The following PRMT9 variants were observed in gnomAD, a reference collection of about 807,000 sequenced individuals.
The protein encoded by PRMT9 is protein arginine methyltransferase 9.
Under a neutral mutation model 83.2 loss-of-function variants are expected in PRMT9, and 59 were observed. The observed-to-expected ratio is 0.71, with a 90% CI of 0.57 to 0.88. The LOEUF (loss-of-function observed/expected upper bound fraction) is 0.88, where lower values mean the gene tolerates loss of function less well. Among genes scored for constraint, PRMT9 ranks in the 40% least tolerant of loss-of-function variants. PRMT9 has a pLI of 0.00. For missense variants in PRMT9, 947 were observed against 1,021.9 expected (o/e 0.93, Z 1.00); for synonymous variants, 333 against 353.2 (o/e 0.94, Z 0.64).
chr4:147,670,187 T>C (rs1735634835), intron 5 of PRMT9, among the ~76,000 whole-genome samples: 1 of 151,674 alleles, frequency 6.6e-6, no homozygotes, highest in Non-Finnish European at 1.5e-5. Context: ...TGTTTTGTTT[T>C]GTTTTGTTTG....
rs749575395 is a variant in PRMT9, at chr4:147,638,622, T to G, written c.2448A>C (p.Leu816Phe). Residue 816 changes from leucine (L) to phenylalanine (F), a missense_variant, in exon 12 of 12, where the codon TTA (leucine) becomes TTC (phenylalanine). Leu to Phe is a conservative substitution (Grantham distance 22, BLOSUM62 0). Transcript: ENST00000322396. ...ASHWKQAAVVLDNPIQVEMGE... is the reference protein window; with the variant it reads ...ASHWKQAAVVFDNPIQVEMGE... ...CCATTTCAACCTGGATGGGATTATC[T>G]AAAACAACTGCAGCTTGTTTCCAGT... is the stretch of plus-strand genomic sequence containing the variant. 7 of 1,613,908 alleles carry G rather than the reference T, an allele frequency of 4.3e-6. No homozygotes were observed. Among genetic ancestry groups the G allele is most frequent in the Non-Finnish European group, 5.9e-6 (7 of 1,179,830 alleles).
intron 9 of PRMT9, among the ~76,000 whole-genome samples, chr4:147,651,213 A>G (rs1734076697): frequency 6.6e-6 from 1 of 152,316 alleles, no homozygotes; most frequent in Middle Eastern, 3.4e-3. Flanking sequence ...TTTTATATAC[A>G]CCATATACAA....
At chr4:147,655,891 A>C (rs1341251301) in intron 8 of PRMT9, among the ~76,000 whole-genome samples, 1 of 151,680 alleles carries the variant, frequency 6.6e-6, no homozygotes, top group East Asian at 1.9e-4. Context: ...TTTAAAAAAC[A>C]AAAGATCATC....
chr4:147,660,310 C>A (rs908377129), intron 7 of PRMT9, among the ~76,000 whole-genome samples: 1 of 152,138 alleles, frequency 6.6e-6, no homozygotes, highest in Non-Finnish European at 1.5e-5. Flanking sequence ...ATATTCCCAA[C>A]AATCTTAGGA....
intron 2 of PRMT9, among the ~76,000 whole-genome samples, chr4:147,677,305 A>C (rs944871504): frequency 6.6e-6 from 1 of 152,074 alleles, no homozygotes; most frequent in African/African-American, 2.4e-5. Context: ...TTCCAAAGAA[A>C]AAAAAGGCTG....
chr4:147,672,730 A>C (rs1199026087), intron 4 of PRMT9, among the ~76,000 whole-genome samples: 1 of 152,160 alleles, frequency 6.6e-6, no homozygotes, highest in African/African-American at 2.4e-5. Flanking sequence ...TGCTAAGATC[A>C]AGTTTATTTG....
At chr4:147,662,775 G>C (rs1735053151) in intron 6 of PRMT9, among the ~76,000 whole-genome samples, 1 of 151,856 alleles carries the variant, frequency 6.6e-6, no homozygotes, top group African/African-American at 2.4e-5. Flanking sequence ...CTCCAGCCTA[G>C]GCAACAGAGC....
chr4:147,642,063 G>A (rs1318197084), intron 10 of PRMT9, among the ~76,000 whole-genome samples: 4 of 152,078 alleles, frequency 2.6e-5, no homozygotes, highest in Non-Finnish European at 5.9e-5. Flanking sequence ...TCTGCAGTCT[G>A]ATTTCTTAGA....
intron 9 of PRMT9, among the ~76,000 whole-genome samples, chr4:147,651,905 C>T (rs939478493): frequency 5.9e-5 from 9 of 152,086 alleles, no homozygotes; most frequent in African/African-American, 1.2e-4. Flanking sequence ...ATTTATGTAA[C>T]GAGGTGAATA....
At chr4:147,652,810 T>A (rs1734203869) in intron 9 of PRMT9, among the ~76,000 whole-genome samples, 1 of 152,122 alleles carries the variant, frequency 6.6e-6, no homozygotes, top group Non-Finnish European at 1.5e-5. Context: ...GTTACCAAGT[T>A]TGAAACAATG....
chr4:147,656,771 C>CAAAAAAAAAA (rs1023416920), intron 8 of PRMT9, among the ~76,000 whole-genome samples: 6 of 47,930 alleles, frequency 1.3e-4, no homozygotes, highest in Non-Finnish European at 1.7e-4. Flanking sequence ...GACTCTGTCT[C>CAAAAAAAAAA]AAAAAAAAAA....
At chr4:147,670,445 C>G (rs1578926836) in intron 5 of PRMT9, among the ~76,000 whole-genome samples, 196 bp downstream of exon 5, 1 of 152,216 alleles carries the variant, frequency 6.6e-6, no homozygotes, top group Non-Finnish European at 1.5e-5. Flanking sequence ...TCCCAAAGTG[C>G]TGGGATTACA....
intron 6 of PRMT9, among the ~76,000 whole-genome samples, chr4:147,666,498 G>C (rs903253028): frequency 1.3e-5 from 2 of 152,002 alleles, no homozygotes; most frequent in African/African-American, 2.4e-5. Context: ...TATCACACCT[G>C]TATCATATAC....
chr4:147,649,318 C>T (rs986575121), intron 9 of PRMT9, among the ~76,000 whole-genome samples: 26 of 152,124 alleles, frequency 1.7e-4, no homozygotes, highest in African/African-American at 5.8e-4. Context: ...GACCTCATCC[C>T]CCCTTAAATA....
At position 147,638,235 on chromosome 4, in the gene PRMT9, T is replaced by C. The variant is rs1247842559; in HGVS notation, c.*297A>G. The C allele has an allele frequency of 2.8e-6, 1 of 352,728 alleles. No homozygotes were observed. The highest frequency in any genetic ancestry group is 5.3e-6 in the Non-Finnish European group (1 of 189,518). The allele number at this position is 352,728 out of a possible 1,614,324, so 21.8% of individuals were successfully genotyped here. On this transcript the variant is annotated 3_prime_UTR_variant, in exon 12 of 12. Transcript: ENST00000322396. ...CTACAAAAGTAAAGTTTTGCTTTACTTACACATGTCAATAACGATAAGACT... is the reference window on the plus strand; with the variant it reads ...CTACAAAAGTAAAGTTTTGCTTTACCTACACATGTCAATAACGATAAGACT...
chr4:147,674,980 T>A (rs571839264), intron 2 of PRMT9, among the ~76,000 whole-genome samples: 2 of 151,824 alleles, frequency 1.3e-5, no homozygotes, highest in Non-Finnish European at 2.9e-5. Context: ...TTAGAGAAAC[T>A]TTTTTTTTCT....
intron 8 of PRMT9, among the ~76,000 whole-genome samples, chr4:147,655,251 C>T (rs984406829): frequency 3.3e-5 from 5 of 152,200 alleles, no homozygotes; most frequent in African/African-American, 7.2e-5. Flanking sequence ...CAGCCTCCAA[C>T]TCCTGGGCTC....
rs57881191 is a variant in PRMT9, at chr4:147,653,453, A to AT, written c.2045+398_2045+399insA. Among the ~76,000 whole-genome samples, 1,149 of 148,624 alleles carry AT rather than the reference A, an allele frequency of 7.7e-3. 4 individuals carry two copies. The highest frequency in any genetic ancestry group is 0.015 in the African/African-American group (617 of 40,474). On this transcript the variant is annotated intron_variant, in intron 9 of 11. Coordinates refer to ENST00000322396, the MANE Select transcript of PRMT9 (RefSeq NM_138364.4). ...GCGAAACTCCGTCTTAAAAAAAAAA[A>AT]ATATATATATATATATCTTGGTTTC...
chr4:147,644,667 C>A (rs1390558806), intron 9 of PRMT9, among the ~76,000 whole-genome samples: 4 of 151,700 alleles, frequency 2.6e-5, no homozygotes, highest in Non-Finnish European at 1.5e-5. Flanking sequence ...GAGAGTGTAA[C>A]CAGGTGTTCA....
Sources: gnomAD v4.1 joint callset for allele counts (sites outside exome capture counted in the v4.1 genomes callset) on GRCh38, gnomAD v4.1.1 for gene constraint, MANE v1.5 for transcripts, NCBI Gene and HGNC (gene_info 2026-07-23, HGNC 2026-07-21) for gene names.